IGF1R: variants seen among roughly 807,000 people sequenced by gnomAD.
IGF1R encodes insulin like growth factor 1 receptor.
IGF1R carries 44 observed loss-of-function variants against 144.6 expected under a neutral mutation model. The ratio of observed to expected loss-of-function variants is 0.30; its 90% CI spans 0.24 to 0.39. The LOEUF (loss-of-function observed/expected upper bound fraction) is 0.39. Ranked by LOEUF, IGF1R falls within the 10% of genes least tolerant of loss-of-function variation. The pLI, the probability that IGF1R is intolerant of heterozygous loss-of-function variation, is 1.00. For synonymous variants in IGF1R, 795 were observed against 722.8 expected, an observed-to-expected ratio of 1.10 and a Z score of -1.60; for missense variants, 1,355 against 1,833.7, an observed-to-expected ratio of 0.74 and a Z score of 4.77.
chr15:98,743,472 C>G (rs545674864), intron 2 of IGF1R, among the ~76,000 whole-genome samples: 1 of 152,158 alleles, frequency 6.6e-6, no homozygotes, highest in Non-Finnish European at 1.5e-5. Context: ...GTCGGAGACA[C>G]CCTAATCACC....
Position 98,666,502 on chromosome 15 carries a change from G to A in IGF1R, c.94+16827G>A, listed in dbSNP as rs138234193. On this transcript the variant is annotated intron_variant, in intron 1 of 20. Transcript: ENST00000650285. Reference sequence around the variant, plus strand: ...CAACTCAAGGGTCCATCCATAGACGGGTGGATAAACAAAATGTGGTCTATC... The same window carrying A: ...CAACTCAAGGGTCCATCCATAGACGAGTGGATAAACAAAATGTGGTCTATC... 2.2e-3 allele frequency among the ~76,000 whole-genome samples: 339 copies of A among 152,238 alleles called. 3 individuals are homozygous for A. The highest frequency in any genetic ancestry group is 7.1e-3 in the African/African-American group (296 of 41,538).
rs1465876505 is a variant in IGF1R, at chr15:98,959,965, G to A, written c.*2523G>A. ...CCCCATTATGAATTTAAATTTCAAG[G>A]AAAGGGTGTGTGTGTGTGTATGTGT... On this transcript the variant is annotated 3_prime_UTR_variant, in exon 21 of 21. Coordinates refer to ENST00000650285, the MANE Select transcript of IGF1R (RefSeq NM_000875.5). 4.0e-5 allele frequency: 6 copies of A among 151,664 alleles called. No homozygotes were observed. Among genetic ancestry groups the A allele is most frequent in the Non-Finnish European group, 7.9e-5 (6 of 75,650 alleles). 9.4% of individuals were successfully genotyped at this position (151,664 alleles called of 1,614,324 possible).
chr15:98,944,561 C>T (rs1380017921), intron 19 of IGF1R, among the ~76,000 whole-genome samples: 1 of 152,190 alleles, frequency 6.6e-6, no homozygotes, highest in Non-Finnish European at 1.5e-5. Flanking sequence ...AGCTGTCCCT[C>T]TCAAAAGAAT....
intron 1 of IGF1R, among the ~76,000 whole-genome samples, chr15:98,693,826 G>A (rs1256945107): frequency 1.3e-5 from 2 of 152,080 alleles, no homozygotes; most frequent in Admixed American, 6.5e-5. Flanking sequence ...GGCTGGTCTC[G>A]AACTCCTGGC....
rs2013894542 is a variant in IGF1R, at chr15:98,891,249, A to G, written c.641-76A>G. On this transcript the variant is annotated intron_variant, in intron 2 of 20. Transcript: ENST00000650285. This position sits in a 1 kb window ranked among gnomAD's most constrained non-coding sequence, Gnocchi z 4.7. ...TGGTGGTAGCAGTGAATGACCCAGA[A>G]GGATGCTGGCCAGGCCCAGAGAAGG... is the stretch of plus-strand genomic sequence containing the variant. 1.4e-6 allele frequency: 2 copies of G among 1,391,132 alleles called. No homozygotes were observed. Among genetic ancestry groups the G allele is most frequent in the Admixed American group, 3.5e-5 (2 of 56,452 alleles). 86.2% of individuals were successfully genotyped at this position (1,391,132 alleles called of 1,614,324 possible).
At chr15:98,848,178 C>G (rs1184147217) in intron 2 of IGF1R, among the ~76,000 whole-genome samples, 1 of 152,152 alleles carries the variant, frequency 6.6e-6, no homozygotes, top group South Asian at 2.1e-4. Flanking sequence ...GTTGGAACCT[C>G]TAGGTTTGAA....
At chr15:98,932,138 A>G (rs1247656468) in intron 15 of IGF1R, among the ~76,000 whole-genome samples, 7 of 152,202 alleles carry the variant, frequency 4.6e-5, no homozygotes, top group African/African-American at 1.7e-4. Flanking sequence ...ACTTGAATTC[A>G]CATTTTGTGT....
At position 98,813,346 on chromosome 15, in the gene IGF1R, A is replaced by G. The variant is rs564447630; in HGVS notation, c.641-77979A>G. Among the ~76,000 whole-genome samples the G allele has an allele frequency of 3.9e-5, 6 of 152,296 alleles. No individual in the cohort carries two copies. The East Asian group carries it at 1.2e-3, about 29-fold the overall frequency. On this transcript the variant is annotated intron_variant, in intron 2 of 20. Coordinates refer to ENST00000650285, the MANE Select transcript of IGF1R (RefSeq NM_000875.5). The stretch of plus-strand genomic sequence containing the variant: ...TTATTGGGATTTCATACTCCAGGCC[A>G]ATATTGCCCTACCTTAATCACCCTA...
chr15:98,762,197 A>C (rs1393884411), intron 2 of IGF1R, among the ~76,000 whole-genome samples: 1 of 152,034 alleles, frequency 6.6e-6, no homozygotes, highest in African/African-American at 2.4e-5. Flanking sequence ...AGAAATGAAT[A>C]AAAGTTGTTA....
At chr15:98,838,963 C>G (rs888169984) in intron 2 of IGF1R, among the ~76,000 whole-genome samples, 1 of 152,234 alleles carries the variant, frequency 6.6e-6, no homozygotes, top group Non-Finnish European at 1.5e-5. Flanking sequence ...ACCCCAGGCT[C>G]CTGCCAAGGC....
At chr15:98,929,758 T>C in intron 14 of IGF1R, 98 bp downstream of exon 14, 1 of 858,738 alleles carries the variant, frequency 1.2e-6, no homozygotes, top group Non-Finnish European at 2.0e-6. Flanking sequence ...CAAGGAAATA[T>C]TTTATGGACT....
intron 19 of IGF1R, among the ~76,000 whole-genome samples, chr15:98,944,557 C>A (rs796129247): frequency 4.3e-4 from 65 of 152,290 alleles, no homozygotes; most frequent in African/African-American, 1.5e-3. Context: ...CTAAAGCTGT[C>A]CCTCTCAAAA....
chr15:98,749,943 T>C (rs1248186576), intron 2 of IGF1R, among the ~76,000 whole-genome samples: 2 of 151,974 alleles, frequency 1.3e-5, no homozygotes, highest in Non-Finnish European at 2.9e-5. Context: ...TATTTTGTTC[T>C]CCTTATTTCT....
intron 6 of IGF1R, among the ~76,000 whole-genome samples, chr15:98,909,670 G>A (rs138092615): frequency 3.2e-4 from 48 of 152,304 alleles, no homozygotes; most frequent in Middle Eastern, 3.4e-3. Flanking sequence ...TGCCCTAAGC[G>A]CAGCCCCTGT....
At chr15:98,732,256 C>T (rs1002713931) in intron 2 of IGF1R, among the ~76,000 whole-genome samples, 1 of 152,056 alleles carries the variant, frequency 6.6e-6, no homozygotes, top group African/African-American at 2.4e-5. Flanking sequence ...AGCAGGGCCT[C>T]GCAGGATGCA....
intron 1 of IGF1R, among the ~76,000 whole-genome samples, chr15:98,688,251 A>C (rs1596187982): frequency 6.7e-6 from 1 of 149,142 alleles, no homozygotes; most frequent in Admixed American, 6.7e-5. Flanking sequence ...TAGTTCTCCC[A>C]CCACCCCCTT....
At chr15:98,817,347 AAT>A (rs1365738654) in intron 2 of IGF1R, among the ~76,000 whole-genome samples, 1 of 151,378 alleles carries the variant, frequency 6.6e-6, no homozygotes, top group South Asian at 2.1e-4. Context: ...TAATAGTAAG[AAT>A]ACTGGGGTGG....
At chr15:98,791,310 A>G (rs183852886) in intron 2 of IGF1R, among the ~76,000 whole-genome samples, 3 of 152,312 alleles carry the variant, frequency 2.0e-5, no homozygotes, top group South Asian at 2.1e-4. Flanking sequence ...AAAAGCAACA[A>G]CTAACTTATT....
chr15:98,862,577 A>G (rs1326524783), intron 2 of IGF1R, among the ~76,000 whole-genome samples: 1 of 152,240 alleles, frequency 6.6e-6, no homozygotes, highest in Non-Finnish European at 1.5e-5. Context: ...CACCTTATTT[A>G]TTAAGCTATC....
Sources: gnomAD v4.1 joint callset for allele counts (sites outside exome capture counted in the v4.1 genomes callset) on GRCh38, gnomAD v4.1.1 for gene constraint, Gnocchi (gnomAD v3.1) non-coding constraint, MANE v1.5 for transcripts, NCBI Gene and HGNC (gene_info 2026-07-23, HGNC 2026-07-21) for gene names.